ARHGAP29: variants seen among roughly 807,000 people sequenced by gnomAD.
The protein encoded by ARHGAP29 is rho GTPase-activating protein 29.
A neutral mutation model predicts 122.6 loss-of-function variants in ARHGAP29; 43 were observed. The observed-to-expected ratio is 0.35, with a 90% CI of 0.27 to 0.45. ARHGAP29 has a LOEUF of 0.45. Among genes scored for constraint, ARHGAP29 ranks in the 20% least tolerant of loss-of-function variants. The pLI is 1.00. For missense variants in ARHGAP29, 1,303 were observed against 1,477.2 expected (o/e 0.88, Z 1.93); for synonymous variants, 506 against 497.1 (o/e 1.02, Z -0.24).
At chr1:94,297,144 A>C in the ARHGAP29 span, among the ~76,000 whole-genome samples, 1 of 152,134 alleles carries the variant, frequency 6.6e-6, no homozygotes, top group African/African-American at 2.4e-5. Context: ...CAAGCAAAAT[A>C]GGGGTGTAGA....
At chr1:94,175,290 A>G (rs1649020786) in intron 22 of ARHGAP29, among the ~76,000 whole-genome samples, 1 of 152,184 alleles carries the variant, frequency 6.6e-6, no homozygotes, top group Admixed American at 6.5e-5. Flanking sequence ...TGAAGGCTGA[A>G]TGCTTTTAAG....
chr1:94,190,910 G>A (rs147232234), intron 12 of ARHGAP29: 1 of 152,080 alleles, frequency 6.6e-6, no homozygotes, highest in South Asian at 2.1e-4. Flanking sequence ...GACCAGGTAC[G>A]TGTTTGTGAA....
At chr1:94,263,014 T>G (rs6672837) in intron 1 of ARHGAP29, among the ~76,000 whole-genome samples, 3,998 of 152,162 alleles carry the variant, frequency 0.026, 181 homozygotes, top group African/African-American at 0.092. Context: ...TCAACGGTAA[T>G]CTGGATAAAG....
At chr1:94,241,014 T>C (rs1235124309), upstream of ARHGAP29, among the ~76,000 whole-genome samples, 1 of 152,166 alleles carries the variant, frequency 6.6e-6, no homozygotes, top group African/African-American at 2.4e-5. Flanking sequence ...AGGGGGATTC[T>C]ACTGACATCT....
upstream of ARHGAP29, among the ~76,000 whole-genome samples, chr1:94,280,066 A>AAT (rs1341287106): frequency 4.2e-5 from 2 of 47,374 alleles, no homozygotes; most frequent in East Asian, 1.4e-3. Flanking sequence ...GTTATATATA[A>AAT]ATATATATAA....
At chr1:94,291,986 T>A in the ARHGAP29 span, among the ~76,000 whole-genome samples, 1 of 152,220 alleles carries the variant, frequency 6.6e-6, no homozygotes, top group East Asian at 1.9e-4. Flanking sequence ...TTCCCGAATT[T>A]GAATTTTGGC....
chr1:94,185,484 T>C lies in ARHGAP29; in HGVS notation c.1781-3A>G, dbSNP rs377087689. 1.1e-5 allele frequency: 18 copies of C among 1,588,416 alleles called. No individual in the cohort carries two copies. In the African/African-American group the frequency reaches 2.5e-4, roughly 22 times the overall value. ...AAATGTTCCAAGGGAATTGGGTCCT[T>C]GCAAGAGAAATAATTTACAAAAATT... On this transcript the variant is annotated splice_polypyrimidine_tract_variant and splice_region_variant and intron_variant, in intron 16 of 22. Transcript: ENST00000260526.
chr1:94,175,479 C>T (rs930832981), intron 22 of ARHGAP29, among the ~76,000 whole-genome samples: 1 of 152,176 alleles, frequency 6.6e-6, no homozygotes, highest in African/African-American at 2.4e-5. Context: ...AACACATCCA[C>T]CAACTCTGTG....
chr1:94,183,857 C>A (rs1316218978), intron 19 of ARHGAP29, among the ~76,000 whole-genome samples: 2 of 152,076 alleles, frequency 1.3e-5, no homozygotes, highest in Admixed American at 6.6e-5. Context: ...TTATTAAAGA[C>A]CTCCTTGGTG....
chr1:94,204,557 C>G (rs549087992), intron 7 of ARHGAP29, among the ~76,000 whole-genome samples: 1 of 152,130 alleles, frequency 6.6e-6, no homozygotes, highest in African/African-American at 2.4e-5. Flanking sequence ...TGCTATATGA[C>G]CTTAAGAAAT....
intron 12 of ARHGAP29, among the ~76,000 whole-genome samples, chr1:94,197,329 T>C (rs1650538891): frequency 6.6e-6 from 1 of 151,988 alleles, no homozygotes; most frequent in Non-Finnish European, 1.5e-5. Context: ...ATAATTAACT[T>C]GAATAGGCCT....
chr1:94,195,794 A>C (rs1028902793), intron 12 of ARHGAP29: 1 of 152,112 alleles, frequency 6.6e-6, no homozygotes, highest in African/African-American at 2.4e-5. Context: ...TGATAAAATT[A>C]AAAGAATGAT....
At chr1:94,202,453 G>C (rs539466938) in intron 11 of ARHGAP29, 91 bp downstream of exon 11, 2 of 1,474,932 alleles carry the variant, frequency 1.4e-6, no homozygotes, top group South Asian at 2.4e-5. Flanking sequence ...TGCCTTTCCA[G>C]GCAGTCTTGG....
chr1:94,171,591 A>G lies in ARHGAP29; in HGVS notation c.*2278T>C, dbSNP rs1480261386. 2.0e-5 allele frequency among the ~76,000 whole-genome samples: 3 copies of G among 152,194 alleles called. No homozygotes were observed. Among genetic ancestry groups the G allele is most frequent in the African/African-American group, 7.2e-5 (3 of 41,462 alleles). On this transcript the variant is annotated 3_prime_UTR_variant, in exon 23 of 23. Transcript: ENST00000260526. ...ACCACACTATTAGATAGCACAACAC[A>G]GTGCACACTGTGGATCCTCTAGAAA... is the stretch of plus-strand genomic sequence containing the variant.
At chr1:94,242,940 T>C (rs528058266) in intron 1 of ARHGAP29, among the ~76,000 whole-genome samples, 1 of 152,136 alleles carries the variant, frequency 6.6e-6, no homozygotes, top group Admixed American at 6.5e-5. Flanking sequence ...TCAAAGAATT[T>C]TACCAAGGAT....
At chr1:94,183,640 C>A (rs967502105) in intron 19 of ARHGAP29, among the ~76,000 whole-genome samples, 1 of 152,162 alleles carries the variant, frequency 6.6e-6, no homozygotes, top group African/African-American at 2.4e-5. Context: ...TAACCTATCA[C>A]AATGGCTATT....
chr1:94,203,052 C>T (rs762642512), intron 9 of ARHGAP29, 48 bp downstream of exon 9: 2 of 1,597,398 alleles, frequency 1.3e-6, no homozygotes, highest in South Asian at 1.1e-5. Flanking sequence ...TAATGGCATG[C>T]CATTGCTTAA....
chr1:94,174,573 C>T lies in ARHGAP29; in HGVS notation c.3082G>A (p.Ala1028Thr), dbSNP rs374087471. The change falls in exon 23 of 23, where the codon GCA becomes ACA. Residue 1028 changes from alanine to threonine, a missense_variant. Transcript: ENST00000260526. Reference sequence around the variant, plus strand: ...CCATTTCTCTCATTAGGAGGACTTGCAAGAAGTAGTCTATCTACAGGCAAA... The same window carrying T: ...CCATTTCTCTCATTAGGAGGACTTGTAAGAAGTAGTCTATCTACAGGCAAA... ...VSLPVDRLLL[A>T]SPPNERNGRN... 17 of 1,614,162 alleles carry T rather than the reference C, an allele frequency of 1.1e-5. No homozygotes were observed. The highest frequency in any genetic ancestry group is 1.4e-5 in the Non-Finnish European group (17 of 1,180,028).
In ARHGAP29 at chr1:94,174,282, TG is replaced by T; in HGVS notation, c.3372del (p.Ser1125ValfsTer11). 1 of 1,614,206 alleles carries T rather than the reference TG, an allele frequency of 6.2e-7. No homozygotes were observed. The highest frequency in any genetic ancestry group is 1.1e-5 in the South Asian group (1 of 91,088). On this transcript the variant is annotated frameshift_variant, in exon 23 of 23. Coordinates refer to ENST00000260526, the MANE Select transcript of ARHGAP29 (RefSeq NM_004815.4). LOFTEE classifies it low-confidence loss of function (END_TRUNC). Reference sequence around the variant, plus strand: ...CTGACTGGCTCTGCATATGGCTTACTGGGTTGAGTGGCATTGATAGAATGGT... The same window carrying T: ...CTGACTGGCTCTGCATATGGCTTACTGGTTGAGTGGCATTGATAGAATGGT... ...SGDHSINATQ[P>X]SKPYAEPVRS...
Sources: gnomAD v4.1 joint callset for allele counts (sites outside exome capture counted in the v4.1 genomes callset) on GRCh38, gnomAD v4.1.1 for gene constraint, MANE v1.5 for transcripts, NCBI Gene and HGNC (gene_info 2026-07-23, HGNC 2026-07-21) for gene names.